ZNF496: variants seen among roughly 807,000 people sequenced by gnomAD.
ZNF496 encodes zinc finger protein 496.
A neutral mutation model predicts 58.9 loss-of-function variants in ZNF496; 11 were observed. The observed-to-expected ratio is 0.19, with a 90% CI of 0.12 to 0.31. The LOEUF (loss-of-function observed/expected upper bound fraction) is 0.31, where lower values mean the gene tolerates loss of function less well. Among genes scored for constraint, ZNF496 ranks in the 10% least tolerant of loss-of-function variants. ZNF496 has a pLI of 1.00. For missense variants in ZNF496, 660 were observed against 783.0 expected, an observed-to-expected ratio of 0.84 and a Z score of 1.88; for synonymous variants, 338 against 318.2, an observed-to-expected ratio of 1.06 and a Z score of -0.66.
intron 5 of ZNF496, among the ~76,000 whole-genome samples, chr1:247,326,197 T>C (rs1308944595): frequency 1.3e-5 from 2 of 151,676 alleles, no homozygotes; most frequent in African/African-American, 2.4e-5. Flanking sequence ...TTGGCCCCGA[T>C]AAATGAATAC....
intron 5 of ZNF496, among the ~76,000 whole-genome samples, chr1:247,324,814 GAC>G (rs1167090421): frequency 1.3e-5 from 2 of 152,180 alleles, no homozygotes; most frequent in African/African-American, 2.4e-5. Context: ...AAGAGCATTT[GAC>G]ACAGTGTCCT....
intron 9 of ZNF496, chr1:247,307,469 T>C: frequency 1.0e-6 from 1 of 985,330 alleles, no homozygotes; most frequent in Non-Finnish European, 1.2e-6. Flanking sequence ...CTAGAGAAGA[T>C]TCAAAGTGCA....
intron 5 of ZNF496, among the ~76,000 whole-genome samples, chr1:247,325,627 A>G (rs1660095765): frequency 6.6e-6 from 1 of 152,090 alleles, no homozygotes; most frequent in African/African-American, 2.4e-5. Context: ...TACCTAACGG[A>G]AACTTTGTAC....
At chr1:247,323,012 C>T in intron 6 of ZNF496, 142 bp downstream of exon 6, 1 of 736,462 alleles carries the variant, frequency 1.4e-6, no homozygotes, top group Non-Finnish European at 2.2e-6. Flanking sequence ...TAAGCTCACG[C>T]TCTGCCTATT....
In ZNF496 at chr1:247,323,247, A is replaced by G; in HGVS notation, c.575-17T>C. The G allele has an allele frequency of 6.2e-7, 1 of 1,611,750 alleles. No individual in the cohort carries two copies. Among genetic ancestry groups the G allele is most frequent in the South Asian group, 1.1e-5 (1 of 91,024 alleles). The stretch of plus-strand genomic sequence containing the variant: ...CTTGCAGAACTGAAAGAGATCAGAA[A>G]ATGGTGTCCTAAAGTGGGCCAGGGC... On this transcript the variant is annotated splice_polypyrimidine_tract_variant and intron_variant, in intron 5 of 9. Coordinates refer to ENST00000682384, the MANE Select transcript of ZNF496 (RefSeq NM_032752.3).
At position 247,329,698 on chromosome 1, in the gene ZNF496, A is replaced by G; in HGVS notation, c.-37-83T>C. 1 of 1,314,520 alleles carries G rather than the reference A, an allele frequency of 7.6e-7. No individual in the cohort carries two copies. Among genetic ancestry groups the G allele is most frequent in the Non-Finnish European group, 1.0e-6 (1 of 967,858 alleles). The allele number at this position is 1,314,520 out of a possible 1,614,324, so 81.4% of individuals were successfully genotyped here. On this transcript the variant is annotated intron_variant, in intron 3 of 9. Coordinates refer to ENST00000682384, the MANE Select transcript of ZNF496 (RefSeq NM_032752.3). This position sits in a 1 kb window ranked among gnomAD's most constrained non-coding sequence, Gnocchi z 5.5. ...GGGGACAGTGACAAGGAAACTGTCAATGCCCTCAGAGACCAGCCCTTTGGA... is the reference window on the plus strand; with the variant it reads ...GGGGACAGTGACAAGGAAACTGTCAGTGCCCTCAGAGACCAGCCCTTTGGA...
At chr1:247,322,821 G>T in intron 6 of ZNF496, 1 of 1,298,074 alleles carries the variant, frequency 7.7e-7, no homozygotes, top group Non-Finnish European at 1.0e-6. Context: ...AAATAAAAGA[G>T]CAGAGAGATC....
intron 6 of ZNF496, among the ~76,000 whole-genome samples, chr1:247,319,287 C>T (rs559940280): frequency 2.0e-5 from 3 of 152,340 alleles, no homozygotes; most frequent in South Asian, 2.1e-4. Context: ...GGTGCCCGAA[C>T]AAAGGAAATA....
At chr1:247,311,801 C>T (rs1232935046) in intron 6 of ZNF496, 1 of 152,170 alleles carries the variant, frequency 6.6e-6, no homozygotes, top group East Asian at 1.9e-4. Context: ...GGCCCCACCT[C>T]TGTGGCAGCT....
At chr1:247,330,463 ACAGCTCAGCC>A (rs1660285364) in intron 2 of ZNF496, among the ~76,000 whole-genome samples, 2 of 152,162 alleles carry the variant, frequency 1.3e-5, no homozygotes, top group Non-Finnish European at 2.9e-5. Context: ...CCGTCACTGC[ACAGCTCAGCC>A]CTCAAAGAAC....
intron 6 of ZNF496, among the ~76,000 whole-genome samples, chr1:247,321,525 T>C (rs1313820483): frequency 6.6e-6 from 1 of 152,158 alleles, no homozygotes; most frequent in Non-Finnish European, 1.5e-5. Flanking sequence ...TATGTGTATA[T>C]TACCACAATT....
intron 9 of ZNF496, among the ~76,000 whole-genome samples, chr1:247,302,387 G>A (rs1659271655): frequency 6.6e-6 from 1 of 152,124 alleles, no homozygotes; most frequent in Non-Finnish European, 1.5e-5. Flanking sequence ...GGGGTCGGGG[G>A]AACATGAGTC....
At chr1:247,310,610 A>C (rs1440279308) in intron 6 of ZNF496, 154 bp from the exon 7 acceptor site, 1 of 991,136 alleles carries the variant, frequency 1.0e-6, no homozygotes, top group Non-Finnish European at 1.5e-6. Context: ...TGGACGTCCA[A>C]GATCAAGGTG....
rs187748816 is a variant in ZNF496 at position 247,328,245 on chromosome 1, G to C, written c.574+438C>G. ...CTCCTAAGTATTTCTACATCTCTTC[G>C]CAGCATCACAATACTCCTGTAAACA... On this transcript the variant is annotated intron_variant, in intron 5 of 9. Coordinates refer to ENST00000682384, the MANE Select transcript of ZNF496 (RefSeq NM_032752.3). 1.8e-3 allele frequency among the ~76,000 whole-genome samples: 279 copies of C among 152,138 alleles called. 1 individual carries two copies. The highest frequency in any genetic ancestry group is 6.3e-3 in the African/African-American group (261 of 41,488).
In ZNF496 at chr1:247,299,914, A is replaced by T. The variant is rs1659179093; in HGVS notation, c.*605T>A. 6.6e-6 allele frequency: 1 copy of T among 152,228 alleles called. No individual in the cohort carries two copies. The highest frequency in any genetic ancestry group is 2.1e-4 in the South Asian group (1 of 4,832). The allele number at this position is 152,228 out of a possible 1,614,324, so 9.4% of individuals were successfully genotyped here. On this transcript the variant is annotated 3_prime_UTR_variant, in exon 10 of 10. Coordinates refer to ENST00000682384, the MANE Select transcript of ZNF496 (RefSeq NM_032752.3). ...GCCAGCCCAAAAGGGCTGCCTGATC[A>T]TCTTGGATCTGCGGGGTGCTCCTGC...
Position 247,329,672 on chromosome 1 carries a change from G to A in ZNF496, c.-37-57C>T, listed in dbSNP as rs1374326075. 1.4e-6 allele frequency: 2 copies of A among 1,462,924 alleles called. No individual in the cohort carries two copies. The highest frequency in any genetic ancestry group is 1.8e-6 in the Non-Finnish European group (2 of 1,096,926). The allele number at this position is 1,462,924 out of a possible 1,614,324, so 90.6% of individuals were successfully genotyped here. A position where few individuals can be genotyped will look rare whatever the true frequency, so the allele number is the denominator to read the frequency against. On this transcript the variant is annotated intron_variant, in intron 3 of 9. Transcript: ENST00000682384. The surrounding 1 kb of genome is among the most constrained non-coding windows in gnomAD (Gnocchi z 5.5). ...GTTCTGGTCTCCTGTGGTCATTTCT[G>A]GGGGACAGTGACAAGGAAACTGTCA...
At chr1:247,320,588 C>T (rs1223901824) in intron 6 of ZNF496, among the ~76,000 whole-genome samples, 1 of 152,072 alleles carries the variant, frequency 6.6e-6, no homozygotes, top group Non-Finnish European at 1.5e-5. Flanking sequence ...CTGGGTGTGA[C>T]ATTGTACTAT....
At chr1:247,307,161 A>G in intron 9 of ZNF496, 1 of 985,450 alleles carries the variant, frequency 1.0e-6, no homozygotes, top group Non-Finnish European at 1.2e-6. Context: ...CTGCGTGGGC[A>G]TGGATATAGA....
chr1:247,326,075 C>T lies in ZNF496; in HGVS notation c.574+2608G>A, dbSNP rs568570040. On this transcript the variant is annotated intron_variant, in intron 5 of 9. Transcript: ENST00000682384. ...ACACACACACACACATATATACACA[C>T]ACACACACATATATACACACACATA... 4.0e-5 allele frequency among the ~76,000 whole-genome samples: 6 copies of T among 148,606 alleles called. No homozygotes were observed. The South Asian group carries it at 1.3e-3, about 33-fold the overall frequency.
Sources: allele counts gnomAD v4.1 joint callset (sites outside exome capture counted in the v4.1 genomes callset), GRCh38; gene constraint gnomAD v4.1.1; non-coding constraint Gnocchi (gnomAD v3.1); transcripts MANE v1.5; gene names NCBI Gene and HGNC (gene_info 2026-07-23, HGNC 2026-07-21).